The following FCER1A variants were observed in gnomAD, a reference collection of about 807,000 sequenced individuals.
The protein encoded by FCER1A is Fc epsilon receptor Ia, also known as high affinity immunoglobulin epsilon receptor subunit alpha.
In FCER1A, 24 loss-of-function variants were observed where a neutral mutation model predicts 23.6. The observed-to-expected ratio is 1.02, with a 90% CI of 0.74 to 1.43. The LOEUF is 1.43. Among genes scored for constraint, FCER1A ranks in the 40% most tolerant of loss-of-function variants. FCER1A has a pLI of 0.00. For synonymous variants in FCER1A, 121 were observed against 108.8 expected (o/e 1.11, Z -0.70); for missense variants, 318 against 294.5 (o/e 1.08, Z -0.58).
chr1:159,301,654 T>C (rs571806818), upstream of FCER1A, among the ~76,000 whole-genome samples: 2 of 152,336 alleles, frequency 1.3e-5, no homozygotes, highest in African/African-American at 2.4e-5. Flanking sequence ...TGTGGATTTA[T>C]GCACTAACTG....
At chr1:159,286,882 A>G (rs961023450), upstream of FCER1A, among the ~76,000 whole-genome samples, 15 of 152,204 alleles carry the variant, frequency 9.9e-5, no homozygotes, top group Admixed American at 4.6e-4. Context: ...CCTATGTCCT[A>G]TAATTAGCAG....
chr1:159,307,722 C>T, intron 4 of FCER1A, 26 bp from the exon 5 acceptor site: 1 of 1,530,760 alleles, frequency 6.5e-7, no homozygotes, highest in Non-Finnish European at 9.0e-7. Context: ...AATTATGTTT[C>T]TCATTGCATC....
At chr1:159,302,244 A>C, upstream of FCER1A, 51 of 724,962 alleles carry the variant, frequency 7.0e-5, no homozygotes, top group Middle Eastern at 2.4e-4. Context: ...AAAACCAGGC[A>C]CAGCTGATGG....
At chr1:159,293,746 G>C (rs1652220781) in intron 1 of FCER1A, among the ~76,000 whole-genome samples, 1 of 151,872 alleles carries the variant, frequency 6.6e-6, no homozygotes, top group Non-Finnish European at 1.5e-5. Flanking sequence ...TGGCTGCATA[G>C]TATTCCATGG....
chr1:159,308,170 AT>A lies in FCER1A; in HGVS notation c.*239del, dbSNP rs1433299478. On this transcript the variant is annotated 3_prime_UTR_variant, in exon 5 of 5. Transcript: ENST00000693622. ...TCATTTATTAGCATTTGTAAAAGAG[AT>A]GTTCAATTTCAATAAAATAAATATA... 4 of 405,092 alleles carry A rather than the reference AT, an allele frequency of 9.9e-6. No individual in the cohort carries two copies. Among genetic ancestry groups the A allele is most frequent in the Non-Finnish European group, 1.8e-5 (4 of 227,312 alleles). 25.1% of individuals were successfully genotyped at this position (405,092 alleles called of 1,614,324 possible). A position where few individuals can be genotyped will look rare whatever the true frequency, so the allele number is the denominator to read the frequency against.
chr1:159,298,327 C>A (rs1290225024), upstream of FCER1A, among the ~76,000 whole-genome samples: 1 of 152,100 alleles, frequency 6.6e-6, no homozygotes, highest in Non-Finnish European at 1.5e-5. Flanking sequence ...GAGGTGGGGC[C>A]TAGTTGGAAG....
Position 159,304,058 on chromosome 1 carries a change from C to T in FCER1A, c.207C>T (p.Ser69=). 6.2e-7 allele frequency: 1 copy of T among 1,614,098 alleles called. No homozygotes were observed. Among genetic ancestry groups the T allele is most frequent in the African/African-American group, 1.3e-5 (1 of 75,028 alleles). Residue 69 remains serine, a synonymous_variant, in exon 3 of 5, where the codon AGC becomes AGT. Transcript: ENST00000693622. ...CCACCAAATGGTTCCACAATGGCAG[C>T]CTTTCAGAAGAGACAAATTCAAGTT... ...VSSTKWFHNG[S]LSEETNSSLN... is the part of the protein sequence containing the mutation.
upstream of FCER1A, among the ~76,000 whole-genome samples, chr1:159,286,747 G>A (rs1355895723): frequency 6.6e-6 from 1 of 152,052 alleles, no homozygotes; most frequent in African/African-American, 2.4e-5. Context: ...TTTAGCTTGG[G>A]GTGCAAGCTA....
chr1:159,292,149 T>C (rs999292026), intron 1 of FCER1A, among the ~76,000 whole-genome samples: 1 of 152,164 alleles, frequency 6.6e-6, no homozygotes, highest in Non-Finnish European at 1.5e-5. Context: ...TCAGCTGACC[T>C]CATCTTACTC....
upstream of FCER1A, among the ~76,000 whole-genome samples, chr1:159,287,069 A>C (rs1428147374): frequency 6.6e-6 from 1 of 152,170 alleles, no homozygotes; most frequent in African/African-American, 2.4e-5. Context: ...GCATTTTTTC[A>C]TTTCCCTCCA....
upstream of FCER1A, among the ~76,000 whole-genome samples, chr1:159,287,555 A>G (rs866015999): frequency 6.6e-6 from 1 of 152,036 alleles, no homozygotes; most frequent in Non-Finnish European, 1.5e-5. Context: ...CAAAGGATGA[A>G]TAATTGGAGA....
intron 4 of FCER1A, 90 bp from the exon 5 acceptor site, chr1:159,307,658 T>C: frequency 1.1e-6 from 1 of 933,688 alleles, no homozygotes; most frequent in East Asian, 2.4e-5. Context: ...CAAAGCTTGG[T>C]CTTTCTCTTA....
chr1:159,288,821 G>C (rs896318545), upstream of FCER1A, among the ~76,000 whole-genome samples: 1 of 152,094 alleles, frequency 6.6e-6, no homozygotes, highest in Non-Finnish European at 1.5e-5. Flanking sequence ...TTCAACTAAA[G>C]CAGCAGCAGA....
At chr1:159,305,927 T>C (rs1652589648) in intron 3 of FCER1A, 61 bp from the exon 4 acceptor site, 3 of 1,459,216 alleles carry the variant, frequency 2.1e-6, no homozygotes, top group Non-Finnish European at 1.9e-6. Flanking sequence ...CTCTCTTTTC[T>C]CTATTCATTC....
chr1:159,285,611 G>GT (rs1324605431), upstream of FCER1A, among the ~76,000 whole-genome samples: 25 of 151,612 alleles, frequency 1.6e-4, no homozygotes, highest in African/African-American at 6.0e-4. Flanking sequence ...ATCAAGTAAA[G>GT]TTGTCTGATT....
chr1:159,303,319 A>G (rs1324895320), intron 2 of FCER1A, among the ~76,000 whole-genome samples: 1 of 152,078 alleles, frequency 6.6e-6, no homozygotes, highest in East Asian at 1.9e-4. Flanking sequence ...CCATGTATCT[A>G]CTTCTTTGGT....
At position 159,306,171 on chromosome 1, in the gene FCER1A, G is replaced by A; in HGVS notation, c.515G>A (p.Gly172Glu). Residue 172 changes from glycine (G) to glutamate (E), a missense_variant, in exon 4 of 5, where the codon GGA (glycine) becomes GAA (glutamate). Physicochemically the swap from Gly to Glu is moderately conservative, Grantham distance 98. Coordinates refer to ENST00000693622, the MANE Select transcript of FCER1A (RefSeq NM_001387280.1). ...ACAAATGCCACAGTTGAAGACAGTG[G>A]AACCTACTACTGTACGGGCAAAGTG... ...SITNATVEDS[G>E]TYYCTGKVWQ... 1 of 1,614,142 alleles carries A rather than the reference G, an allele frequency of 6.2e-7. No individual in the cohort carries two copies. The highest frequency in any genetic ancestry group is 8.5e-7 in the Non-Finnish European group (1 of 1,180,012).
chr1:159,298,451 C>T (rs149858938), upstream of FCER1A, among the ~76,000 whole-genome samples: 306 of 152,262 alleles, frequency 2.0e-3, 3 homozygotes, highest in African/African-American at 7.2e-3. Flanking sequence ...TTTTCACTCT[C>T]TTCTTTAGTA....
upstream of FCER1A, among the ~76,000 whole-genome samples, chr1:159,288,960 G>A (rs1652082965): frequency 6.6e-6 from 1 of 152,134 alleles, no homozygotes; most frequent in Non-Finnish European, 1.5e-5. Flanking sequence ...ATTTAAATTG[G>A]TTATGACTAT....
Sources: gnomAD v4.1 joint callset for allele counts (sites outside exome capture counted in the v4.1 genomes callset) on GRCh38, gnomAD v4.1.1 for gene constraint, MANE v1.5 for transcripts, NCBI Gene and HGNC (gene_info 2026-07-23, HGNC 2026-07-21) for gene names.